The following TATDN2 variants were observed in gnomAD, a reference collection of about 807,000 sequenced individuals.
The protein encoded by TATDN2 is 3'-5' RNA nuclease TATDN2.
Under a neutral mutation model 60.3 loss-of-function variants are expected in TATDN2, and 44 were observed. The ratio of observed to expected loss-of-function variants is 0.73; its 90% CI spans 0.57 to 0.94. The LOEUF (loss-of-function observed/expected upper bound fraction) is 0.94, where lower values mean the gene tolerates loss of function less well. Ranked by LOEUF, TATDN2 falls within the 40% of genes least tolerant of loss-of-function variation. The probability of loss-of-function intolerance (pLI) is 0.00; values close to 1 mark genes in which losing one functional copy is unlikely to be tolerated. For missense variants in TATDN2, 997 were observed against 948.0 expected (o/e 1.05, Z -0.68); for synonymous variants, 399 against 355.8 (o/e 1.12, Z -1.37).
intron 5 of TATDN2, among the ~76,000 whole-genome samples, chr3:10,277,271 G>A (rs1467668659): frequency 3.3e-5 from 5 of 152,160 alleles, no homozygotes; most frequent in African/African-American, 4.8e-5. Context: ...AGTTCAGTTT[G>A]GTAAACTCTC....
intron 2 of TATDN2, among the ~76,000 whole-genome samples, chr3:10,258,377 A>C (rs1168513560): frequency 6.6e-6 from 1 of 151,974 alleles, no homozygotes; most frequent in Non-Finnish European, 1.5e-5. Context: ...TCCTGGGTTC[A>C]AGTGATTCTC....
At chr3:10,258,775 T>C (rs928927239) in intron 2 of TATDN2, among the ~76,000 whole-genome samples, 5 of 152,130 alleles carry the variant, frequency 3.3e-5, no homozygotes, top group Admixed American at 3.3e-4. Flanking sequence ...CAGCCGAGCC[T>C]AAGTCTCTTT....
In TATDN2 at chr3:10,249,148, T is replaced by C. The variant is rs9825131; in HGVS notation, c.-6-47T>C. The C allele has an allele frequency of 0.016, 23,461 of 1,468,416 alleles. 3,062 individuals carry two copies. The African/African-American group carries it at 0.29, about 18-fold the overall frequency. 91.0% of individuals were successfully genotyped at this position (1,468,416 alleles called of 1,614,324 possible). ...GGGGTGGCGGGAATCTGAGGTGGGG[T>C]CGCCAGGAAGGGTGGTGTTGGAATC... On this transcript the variant is annotated intron_variant, in intron 1 of 7. Transcript: ENST00000448281.
chr3:10,251,937 A>G (rs1257411625), intron 2 of TATDN2, among the ~76,000 whole-genome samples: 4 of 150,626 alleles, frequency 2.7e-5, no homozygotes, highest in Non-Finnish European at 5.9e-5. Flanking sequence ...TCACGAGGTC[A>G]GGAGATTGAG....
At position 10,270,210 on chromosome 3, in the gene TATDN2, G is replaced by C. The variant is rs1233224821; in HGVS notation, c.1028G>C (p.Arg343Thr). The C allele has an allele frequency of 6.2e-7, 1 of 1,614,092 alleles. No individual in the cohort carries two copies. Among genetic ancestry groups the C allele is most frequent in the Non-Finnish European group, 8.5e-7 (1 of 1,180,048 alleles). ...GATGTTGAGGAGATCTCCACAGTCA[G>C]ATTCTCTCAGGAGGAACCTGTCTCC... ...WSDVEEISTV[R>T]FSQEEPVSLK... The change falls in exon 4 of 8, where the codon AGA becomes ACA. Residue 343 changes from arginine to threonine, a missense_variant. By Grantham distance (71) the Arg-to-Thr change is moderately conservative. Transcript: ENST00000448281.
chr3:10,272,625 C>G (rs988105707), intron 4 of TATDN2, among the ~76,000 whole-genome samples: 7 of 152,140 alleles, frequency 4.6e-5, no homozygotes, highest in African/African-American at 1.7e-4. Context: ...TTTACAGGAT[C>G]ACACCTGTAA....
chr3:10,270,366 A>G lies in TATDN2; in HGVS notation c.1184A>G (p.Tyr395Cys). ...ACCAGCAGCCCCAAGCCTTCTAGCT[A>G]CCCCTCCACAGGCAGCAGCAGCAAC... ...YWTSSPKPSSYPSTGSSSNDA... is the reference protein window; with the variant it reads ...YWTSSPKPSSCPSTGSSSNDA... The change falls in exon 4 of 8, where the codon TAC becomes TGC. Residue 395 changes from tyrosine (Y) to cysteine (C), a missense_variant. By Grantham distance (194) the Tyr-to-Cys change is radical (BLOSUM62 -2). Coordinates refer to ENST00000448281, the MANE Select transcript of TATDN2 (RefSeq NM_014760.4). 1.2e-6 allele frequency: 2 copies of G among 1,614,078 alleles called. No individual in the cohort carries two copies. The highest frequency in any genetic ancestry group is 8.5e-7 in the Non-Finnish European group (1 of 1,180,014).
chr3:10,249,427 G>T lies in TATDN2; in HGVS notation c.227G>T (p.Arg76Leu). Residue 76 changes from arginine (R) to leucine (L), a missense_variant, in exon 2 of 8, where the codon CGC becomes CTC. Arg to Leu is a moderately radical substitution (Grantham distance 102). Transcript: ENST00000448281. ...SRRLSWGSSR[R>L]RNNSSSSFSP... ...AGGTTATCCTGGGGCTCATCCCGCC[G>T]CAGAAATAACTCCTCCTCCTCCTTC... The T allele has an allele frequency of 1.2e-6, 2 of 1,613,878 alleles. No homozygotes were observed. The highest frequency in any genetic ancestry group is 1.6e-4 in the Middle Eastern group (1 of 6,062).
chr3:10,249,934 T>G (rs1698196346), intron 2 of TATDN2, among the ~76,000 whole-genome samples: 1 of 152,210 alleles, frequency 6.6e-6, no homozygotes, highest in Non-Finnish European at 1.5e-5. Flanking sequence ...TCCAGATTTT[T>G]CAGTGCTCCC....
chr3:10,276,932 T>A (rs1052506873), intron 5 of TATDN2, among the ~76,000 whole-genome samples: 5 of 152,122 alleles, frequency 3.3e-5, no homozygotes, highest in Admixed American at 1.3e-4. Flanking sequence ...TTAAACCACT[T>A]GAAATTTCTC....
At position 10,248,922 on chromosome 3, in the gene TATDN2, A is replaced by T. The variant is rs556515595; in HGVS notation, c.-152A>T. The T allele has an allele frequency of 2.8e-5, 11 of 389,696 alleles. No homozygotes were observed. The highest frequency in any genetic ancestry group is 1.9e-4 in the African/African-American group (9 of 48,446). 24.1% of individuals were successfully genotyped at this position (389,696 alleles called of 1,614,324 possible). On this transcript the variant is annotated 5_prime_UTR_variant, in exon 1 of 8. In the 5' UTR this introduces an upstream ATG that the reference lacks. Coordinates refer to ENST00000448281, the MANE Select transcript of TATDN2 (RefSeq NM_014760.4). ...TCCGAAGTAGCGCTGGGCAAAGTGA[A>T]GGCTTCCTGATCTCAGAAGCACGTT...
chr3:10,257,518 AC>A (rs1343398352), intron 2 of TATDN2, among the ~76,000 whole-genome samples: 1 of 147,402 alleles, frequency 6.8e-6, no homozygotes, highest in Non-Finnish European at 1.5e-5. Context: ...AATCCCAGGT[AC>A]TTGGGAGGCT....
intron 3 of TATDN2, among the ~76,000 whole-genome samples, chr3:10,267,775 T>C (rs1330986307): frequency 6.6e-6 from 1 of 152,212 alleles, no homozygotes; most frequent in Non-Finnish European, 1.5e-5. Context: ...CACCTCCAAT[T>C]ATTTTGCAGA....
intron 2 of TATDN2, among the ~76,000 whole-genome samples, chr3:10,253,979 T>G (rs1004660465): frequency 6.6e-6 from 1 of 152,116 alleles, no homozygotes; most frequent in Admixed American, 6.5e-5. Context: ...GATGTAGGGG[T>G]GGCAAGACGA....
chr3:10,249,728 G>C, intron 2 of TATDN2, 114 bp downstream of exon 2: 1 of 1,250,516 alleles, frequency 8.0e-7, no homozygotes. Flanking sequence ...TTGAAGGTCT[G>C]GAAGGTCTTT....
Position 10,278,463 on chromosome 3 carries a change from G to A in TATDN2, c.2145+1G>A, listed in dbSNP as rs1456220159. The A allele has an allele frequency of 1.9e-6, 3 of 1,607,886 alleles. No homozygotes were observed. The highest frequency in any genetic ancestry group is 2.6e-6 in the Non-Finnish European group (3 of 1,175,266). Reference sequence around the variant, plus strand: ...TGCTCCCTATTTCCTCCCTCGCCAGGTAAGGGGGTCTTCAGGCTGAGTGGA... The same window carrying A: ...TGCTCCCTATTTCCTCCCTCGCCAGATAAGGGGGTCTTCAGGCTGAGTGGA... On this transcript the variant is annotated splice_donor_variant, in intron 6 of 7. Transcript: ENST00000448281. LOFTEE classifies it high-confidence loss of function. This position sits in a 1 kb window ranked among gnomAD's most constrained non-coding sequence, Gnocchi z 4.7.
chr3:10,275,786 G>A (rs989679921), intron 4 of TATDN2, among the ~76,000 whole-genome samples: 2 of 150,424 alleles, frequency 1.3e-5, no homozygotes, highest in African/African-American at 4.9e-5. Flanking sequence ...AACAAAGCAA[G>A]TTGTAGAAAA....
At chr3:10,277,993 G>T (rs1212784447) in intron 5 of TATDN2, among the ~76,000 whole-genome samples, 3 of 152,086 alleles carry the variant, frequency 2.0e-5, no homozygotes, top group Non-Finnish European at 4.4e-5. Context: ...AGTGTTAGAA[G>T]CATTTCCTAT....
Position 10,266,971 on chromosome 3 carries a change from C to T in TATDN2, c.949-3160C>T, listed in dbSNP as rs1698486307. On this transcript the variant is annotated intron_variant, in intron 3 of 7. Coordinates refer to ENST00000448281, the MANE Select transcript of TATDN2 (RefSeq NM_014760.4). ...TTTGAGACAGAGTCTTGCTCTATCA[C>T]CCAGGTTGGAGTACAGTGGCTCACT... Among the ~76,000 whole-genome samples the T allele has an allele frequency of 2.2e-5, 3 of 137,062 alleles. No individual in the cohort carries two copies. The Admixed American group carries it at 2.3e-4, about 11-fold the overall frequency. 89.9% of individuals were successfully genotyped at this position (137,062 alleles called of 152,430 possible).
Sources: allele counts gnomAD v4.1 joint callset (sites outside exome capture counted in the v4.1 genomes callset), GRCh38; gene constraint gnomAD v4.1.1; non-coding constraint Gnocchi (gnomAD v3.1); transcripts MANE v1.5; gene names NCBI Gene and HGNC (gene_info 2026-07-23, HGNC 2026-07-21).